Variants in MACROD2 observed in about 807,000 individuals in gnomAD.
MACROD2 encodes the protein mono-ADP ribosylhydrolase 2.
Under a neutral mutation model 70.4 loss-of-function variants are expected in MACROD2, and 36 were observed. The observed-to-expected ratio is 0.51, with a 90% CI of 0.39 to 0.68. MACROD2 has a LOEUF of 0.68. MACROD2 is among the 30% of genes least tolerant of loss of function. The pLI is 0.00. For synonymous variants in MACROD2, 172 were observed against 178.8 expected (o/e 0.96, Z 0.30); for missense variants, 496 against 538.4 (o/e 0.92, Z 0.78).
intron 7 of MACROD2, among the ~76,000 whole-genome samples, chr20:15,496,023 C>A (rs2047293023): frequency 6.6e-6 from 1 of 152,146 alleles, no homozygotes; most frequent in African/African-American, 2.4e-5. Context: ...AGGCCAGTGT[C>A]GTTGCAGTGG....
At chr20:15,987,024 A>G (rs751970066) in intron 14 of MACROD2, 42 bp from the exon 15 acceptor site, 6 of 1,524,598 alleles carry the variant, frequency 3.9e-6, no homozygotes, top group Non-Finnish European at 5.4e-6. Context: ...AATGATTCCA[A>G]CTAAAACAAC....
chr20:15,077,495 T>C (rs765123434), intron 5 of MACROD2, among the ~76,000 whole-genome samples: 2 of 152,220 alleles, frequency 1.3e-5, no homozygotes, highest in African/African-American at 2.4e-5. Context: ...ACTATCTAAA[T>C]GTAAAGGATT....
At chr20:15,031,812 C>T (rs1264795030) in intron 5 of MACROD2, among the ~76,000 whole-genome samples, 5 of 152,138 alleles carry the variant, frequency 3.3e-5, no homozygotes, top group African/African-American at 1.2e-4. Context: ...CCAGAAATGG[C>T]AGCCTGGCTC....
chr20:15,542,031 G>A (rs905072309), intron 8 of MACROD2, among the ~76,000 whole-genome samples: 3 of 152,182 alleles, frequency 2.0e-5, no homozygotes, highest in Admixed American at 2.0e-4. Context: ...AAAGAAACCC[G>A]TGTGACTGCG....
At chr20:14,168,418 T>C (rs2081189808) in intron 3 of MACROD2, among the ~76,000 whole-genome samples, 2 of 152,208 alleles carry the variant, frequency 1.3e-5, no homozygotes, top group African/African-American at 4.8e-5. Context: ...GCTTAAACAC[T>C]TCTGCTTAAT....
chr20:15,259,761 T>C (rs898598070), intron 6 of MACROD2, among the ~76,000 whole-genome samples: 9 of 151,952 alleles, frequency 5.9e-5, no homozygotes, highest in Non-Finnish European at 7.4e-5. Context: ...GGCTTTTTTT[T>C]CCCTCTTCTT....
At chr20:14,138,377 A>T (rs532387130) in intron 3 of MACROD2, among the ~76,000 whole-genome samples, 1 of 152,314 alleles carries the variant, frequency 6.6e-6, no homozygotes, top group East Asian at 1.9e-4. Flanking sequence ...TTGATGGATG[A>T]GTGCATACAG....
intron 5 of MACROD2, among the ~76,000 whole-genome samples, chr20:14,729,151 C>T (rs1470688016): frequency 1.3e-5 from 2 of 152,044 alleles, no homozygotes; most frequent in Non-Finnish European, 2.9e-5. Flanking sequence ...TGGTAAAGCA[C>T]TTTATAAAAC....
chr20:14,867,505 A>G (rs2073440808), intron 5 of MACROD2, among the ~76,000 whole-genome samples: 1 of 152,116 alleles, frequency 6.6e-6, no homozygotes, highest in African/African-American at 2.4e-5. Context: ...TAGACACAGG[A>G]AAGTTGCTAT....
At chr20:15,899,677 C>G (rs994786926) in intron 10 of MACROD2, among the ~76,000 whole-genome samples, 1 of 152,180 alleles carries the variant, frequency 6.6e-6, no homozygotes, top group African/African-American at 2.4e-5. Flanking sequence ...TTACAGAAAG[C>G]ACTAGCACTT....
chr20:15,234,132 C>T (rs1276960583), intron 6 of MACROD2, among the ~76,000 whole-genome samples: 4 of 135,134 alleles, frequency 3.0e-5, no homozygotes, highest in Non-Finnish European at 3.2e-5. Flanking sequence ...CCCAGGTTCA[C>T]GCCATTCTCC....
chr20:14,511,698 C>T (rs1428720776), intron 4 of MACROD2, among the ~76,000 whole-genome samples: 6 of 151,542 alleles, frequency 4.0e-5, no homozygotes, highest in African/African-American at 1.5e-4. Context: ...ACCCTAGAAC[C>T]CAATTTTTTT....
At chr20:15,377,372 G>GA (rs1201730637) in intron 6 of MACROD2, among the ~76,000 whole-genome samples, 1 of 152,044 alleles carries the variant, frequency 6.6e-6, no homozygotes, top group Non-Finnish European at 1.5e-5. Flanking sequence ...AAAAGGACAA[G>GA]AAAAAAGATT....
chr20:14,620,508 T>G (rs979459682), intron 4 of MACROD2, among the ~76,000 whole-genome samples: 1 of 152,158 alleles, frequency 6.6e-6, no homozygotes, highest in Admixed American at 6.6e-5. Context: ...CTTTTGTTTA[T>G]CTAGATATAT....
At chr20:14,232,309 A>G (rs1307132718) in intron 3 of MACROD2, among the ~76,000 whole-genome samples, 1 of 152,192 alleles carries the variant, frequency 6.6e-6, no homozygotes, top group Non-Finnish European at 1.5e-5. Context: ...TTAACAAGAG[A>G]GTTAGCCTGT....
chr20:15,982,272 G>A lies in MACROD2; in HGVS notation c.986-4455G>A, dbSNP rs535371164. 5.3e-5 allele frequency among the ~76,000 whole-genome samples: 8 copies of A among 152,162 alleles called. No homozygotes were observed. In the East Asian group the frequency reaches 9.6e-4, roughly 18 times the overall value. ...GTTATTGTACAAACAAGTTCTTTTT[G>A]GAGTTCCTAGGCATTTATAATAACT... On this transcript the variant is annotated intron_variant, in intron 13 of 17. Transcript: ENST00000684519.
chr20:15,521,999 AGTC>A (rs1243988800), intron 8 of MACROD2, among the ~76,000 whole-genome samples: 1 of 152,204 alleles, frequency 6.6e-6, no homozygotes, highest in Non-Finnish European at 1.5e-5. Flanking sequence ...ATTAACTGGA[AGTC>A]TTTGGACTTA....
intron 8 of MACROD2, among the ~76,000 whole-genome samples, chr20:15,659,965 A>G (rs1189325255): frequency 2.0e-5 from 3 of 152,104 alleles, no homozygotes; most frequent in Non-Finnish European, 4.4e-5. Flanking sequence ...TGCTCGAGTA[A>G]TATATTGATT....
chr20:14,512,141 G>C (rs1003389305), intron 4 of MACROD2, among the ~76,000 whole-genome samples: 13 of 152,086 alleles, frequency 8.5e-5, no homozygotes, highest in African/African-American at 3.1e-4. Context: ...TATCATCCAT[G>C]ATATTAACTA....
Sources: allele counts gnomAD v4.1 joint callset (sites outside exome capture counted in the v4.1 genomes callset), GRCh38; gene constraint gnomAD v4.1.1; transcripts MANE v1.5; gene names NCBI Gene and HGNC (gene_info 2026-07-23, HGNC 2026-07-21).